The following GLI3 variants were observed in gnomAD, a reference collection of about 807,000 sequenced individuals.
GLI3 encodes transcription activator GLI3.
GLI3 carries 20 observed loss-of-function variants against 100.8 expected under a neutral mutation model. The observed-to-expected ratio is 0.20, with a 90% CI of 0.14 to 0.29. GLI3 has a LOEUF of 0.29. Ranked by LOEUF, GLI3 falls within the 10% of genes least tolerant of loss-of-function variation. The probability of loss-of-function intolerance (pLI) is 1.00; values close to 1 mark genes in which losing one functional copy is unlikely to be tolerated. For missense variants in GLI3, 2,040 were observed against 2,128.5 expected, an observed-to-expected ratio of 0.96 and a Z score of 0.82; for synonymous variants, 938 against 860.5, an observed-to-expected ratio of 1.09 and a Z score of -1.58.
In GLI3 at chr7:42,106,984, T is replaced by C. The variant is rs540800964; in HGVS notation, c.368-30127A>G. On this transcript the variant is annotated intron_variant, in intron 3 of 14. Transcript: ENST00000395925. ...CAATGTGGGAACTACTGATTTGTAG[T>C]AATTAAAGACTGTGAAGATTTCCAA... Among the ~76,000 whole-genome samples, 4 of 152,210 alleles carry C rather than the reference T, an allele frequency of 2.6e-5. No homozygotes were observed. The East Asian group carries it at 5.8e-4, about 22-fold the overall frequency.
intron 10 of GLI3, among the ~76,000 whole-genome samples, chr7:41,979,680 ATTTG>A (rs1473309050): frequency 6.6e-6 from 1 of 152,180 alleles, no homozygotes; most frequent in African/African-American, 2.4e-5. Flanking sequence ...TACTGAAGAC[ATTTG>A]CATCCTAGGT....
chr7:42,129,890 G>C (rs1000994182), intron 3 of GLI3, among the ~76,000 whole-genome samples: 3 of 152,132 alleles, frequency 2.0e-5, no homozygotes, highest in African/African-American at 7.2e-5. Flanking sequence ...CCTGTCTCCT[G>C]CCCACAGCAC....
intron 1 of GLI3, among the ~76,000 whole-genome samples, chr7:42,254,501 G>T (rs1261689602): frequency 6.6e-6 from 1 of 152,208 alleles, no homozygotes. Flanking sequence ...GCATTTAAAT[G>T]TGTCATGGAT....
intron 2 of GLI3, among the ~76,000 whole-genome samples, chr7:42,192,028 C>T (rs1787837925): frequency 6.9e-6 from 1 of 145,362 alleles, no homozygotes; most frequent in Non-Finnish European, 1.5e-5. Flanking sequence ...ATTTAAACTT[C>T]TACAATCACA....
intron 3 of GLI3, among the ~76,000 whole-genome samples, chr7:42,080,336 T>G (rs568698077): frequency 6.6e-6 from 1 of 152,344 alleles, no homozygotes; most frequent in South Asian, 2.1e-4. Context: ...ACCAAATTCT[T>G]AATGCTTATT....
intron 1 of GLI3, among the ~76,000 whole-genome samples, chr7:42,231,148 G>A (rs207467813): frequency 6.6e-6 from 1 of 152,190 alleles, no homozygotes; most frequent in African/African-American, 2.4e-5. Context: ...TAAGGGAGTA[G>A]AGTGTATGTT....
intron 10 of GLI3, 95 bp downstream of exon 10, chr7:42,023,373 T>C: frequency 7.5e-7 from 1 of 1,340,836 alleles, no homozygotes. Flanking sequence ...ATGCGGCTCC[T>C]AAGAAACTTG....
intron 2 of GLI3, among the ~76,000 whole-genome samples, chr7:42,187,590 T>C (rs375461303): frequency 6.6e-6 from 1 of 152,284 alleles, no homozygotes; most frequent in African/African-American, 2.4e-5. Context: ...AAAATTCATA[T>C]CCACCAAGGA....
intron 3 of GLI3, among the ~76,000 whole-genome samples, chr7:42,103,725 C>CACT (rs1272777743): frequency 1.5e-5 from 2 of 133,002 alleles, no homozygotes; most frequent in Non-Finnish European, 3.4e-5. Flanking sequence ...GGCATAAAGA[C>CACT]ACTAAATCAC....
chr7:42,055,256 C>T (rs1440141744), intron 4 of GLI3, among the ~76,000 whole-genome samples: 4 of 151,902 alleles, frequency 2.6e-5, no homozygotes, highest in Non-Finnish European at 4.4e-5. Context: ...GCAAGGTAAG[C>T]TTTCAGATAA....
At chr7:42,246,841 C>T (rs1013785591) in intron 1 of GLI3, among the ~76,000 whole-genome samples, 5 of 77,420 alleles carry the variant, frequency 6.5e-5, no homozygotes, top group Admixed American at 1.8e-4. Context: ...TTTTGAGGGA[C>T]GATATCCTTT....
intron 2 of GLI3, among the ~76,000 whole-genome samples, chr7:42,153,672 C>G (rs113721169): frequency 2.0e-5 from 3 of 152,208 alleles, no homozygotes; most frequent in African/African-American, 7.2e-5. Flanking sequence ...TATTTAAGGT[C>G]TGAGTTTGTG....
At chr7:42,184,480 C>T (rs753696544) in intron 2 of GLI3, among the ~76,000 whole-genome samples, 2 of 152,190 alleles carry the variant, frequency 1.3e-5, no homozygotes, top group Admixed American at 6.5e-5. Flanking sequence ...GACTAGAAGG[C>T]GGGCCTGCTC....
At position 42,218,231 on chromosome 7, in the gene GLI3, T is replaced by A. The variant is rs371299776; in HGVS notation, c.124+4899A>T. Reference sequence around the variant, plus strand: ...CAAGAAACCGAAAACTCACAACCTATGTTCTTTATGGCGTGAACTGCCTGC... The same window carrying A: ...CAAGAAACCGAAAACTCACAACCTAAGTTCTTTATGGCGTGAACTGCCTGC... On this transcript the variant is annotated intron_variant, in intron 2 of 14. Coordinates refer to ENST00000395925, the MANE Select transcript of GLI3 (RefSeq NM_000168.6). Among the ~76,000 whole-genome samples, 159 of 152,152 alleles carry A rather than the reference T, an allele frequency of 1.0e-3. 6 individuals carry two copies. The South Asian group carries it at 0.032, about 31-fold the overall frequency.
chr7:41,967,134 A>C (rs534883574), intron 14 of GLI3, among the ~76,000 whole-genome samples: 17 of 152,324 alleles, frequency 1.1e-4, no homozygotes, highest in Admixed American at 2.6e-4. Flanking sequence ...TGCAGGCAAG[A>C]GCTTCACCCC....
At chr7:42,253,814 T>C (rs1789057488) in intron 1 of GLI3, among the ~76,000 whole-genome samples, 1 of 152,210 alleles carries the variant, frequency 6.6e-6, no homozygotes, top group East Asian at 1.9e-4. Flanking sequence ...GAGTTGAGCA[T>C]CACTTAGTGA....
intron 2 of GLI3, among the ~76,000 whole-genome samples, chr7:42,148,878 G>A (rs1462228717): frequency 1.3e-5 from 2 of 152,188 alleles, no homozygotes; most frequent in Non-Finnish European, 2.9e-5. Context: ...CCTGCCTGGG[G>A]ACGCGGGGCC....
Position 41,964,599 on chromosome 7 carries a change from C to T in GLI3, c.4474G>A (p.Asp1492Asn), listed in dbSNP as rs1327637727. The change falls in exon 15 of 15, where the codon GAC (aspartate) becomes AAC (asparagine). Residue 1492 changes from aspartate (D) to asparagine (N), a missense_variant. Physicochemically the swap from Asp to Asn is conservative, Grantham distance 23. Around this residue, in one of 5 missense-constraint regions of GLI3, gnomAD observed 1,041 missense variants for 924.0 expected, o/e 1.13. Coordinates refer to ENST00000395925, the MANE Select transcript of GLI3 (RefSeq NM_000168.6). ...PGANQVTSTV[D>N]SLDSHDLEGV... Reference sequence around the variant, plus strand: ...TCCAGGTCATGGCTGTCGAGGCTGTCCACTGTGCTTGTCACCTGATTAGCA... The same window carrying T: ...TCCAGGTCATGGCTGTCGAGGCTGTTCACTGTGCTTGTCACCTGATTAGCA... The T allele has an allele frequency of 6.2e-7, 1 of 1,614,028 alleles. No homozygotes were observed. The highest frequency in any genetic ancestry group is 1.3e-5 in the African/African-American group (1 of 74,940).
chr7:42,246,612 A>AAAAAC (rs3057272), intron 1 of GLI3, among the ~76,000 whole-genome samples: 60,327 of 149,954 alleles, frequency 0.4, 12,712 homozygotes, highest in East Asian at 0.7. Flanking sequence ...GTACATACAG[A>AAAAAC]AAAACAAAAC....
Sources: gnomAD v4.1 joint callset for allele counts (sites outside exome capture counted in the v4.1 genomes callset) on GRCh38, gnomAD v4.1.1 for gene constraint, gnomAD v4.1.1 regional missense constraint, MANE v1.5 for transcripts, NCBI Gene and HGNC (gene_info 2026-07-23, HGNC 2026-07-21) for gene names.